DLG2: variants seen among roughly 807,000 people sequenced by gnomAD.
DLG2 encodes the protein disks large homolog 2.
In DLG2, 45 loss-of-function variants were observed where a neutral mutation model predicts 132.5. The observed-to-expected ratio is 0.34, with a 90% CI of 0.27 to 0.44. The LOEUF is 0.44. Among genes scored for constraint, DLG2 ranks in the 20% least tolerant of loss-of-function variants. DLG2 has a pLI of 1.00. For synonymous variants in DLG2, 424 were observed against 419.6 expected, an observed-to-expected ratio of 1.01 and a Z score of -0.13; for missense variants, 1,045 against 1,196.9, an observed-to-expected ratio of 0.87 and a Z score of 1.87.
intron 19 of DLG2, among the ~76,000 whole-genome samples, chr11:83,579,970 AAAAT>A (rs1041738048): frequency 3.3e-5 from 5 of 151,958 alleles, no homozygotes; most frequent in African/African-American, 9.6e-5. Flanking sequence ...ACTCTATCTC[AAAAT>A]AAATAAATAA....
chr11:84,056,279 G>C (rs113602071), intron 11 of DLG2, among the ~76,000 whole-genome samples: 1,852 of 152,114 alleles, frequency 0.012, 37 homozygotes, highest in African/African-American at 0.043. Context: ...CTGTGTCCAT[G>C]TGTTCTCATT....
At chr11:85,144,790 T>G (rs1348905019) in intron 5 of DLG2, among the ~76,000 whole-genome samples, 1 of 152,042 alleles carries the variant, frequency 6.6e-6, no homozygotes, top group Non-Finnish European at 1.5e-5. Flanking sequence ...TTCTTAGAAA[T>G]ATGTTGTAGT....
chr11:83,763,154 C>T (rs766965167), intron 18 of DLG2, among the ~76,000 whole-genome samples: 3 of 152,074 alleles, frequency 2.0e-5, no homozygotes, highest in African/African-American at 7.2e-5. Flanking sequence ...CAATTATGTA[C>T]AAAGAACTGA....
chr11:85,393,527 T>G (rs1307530779), intron 3 of DLG2, among the ~76,000 whole-genome samples: 1 of 152,068 alleles, frequency 6.6e-6, no homozygotes, highest in African/African-American at 2.4e-5. Flanking sequence ...CACACGTGTA[T>G]AGCAGCACAA....
chr11:84,010,871 T>A (rs561733621), intron 11 of DLG2, among the ~76,000 whole-genome samples: 1 of 152,254 alleles, frequency 6.6e-6, no homozygotes, highest in South Asian at 2.1e-4. Flanking sequence ...AATTTTAATG[T>A]GTAAACTGGG....
intron 7 of DLG2, among the ~76,000 whole-genome samples, chr11:84,343,098 A>T (rs930834393): frequency 2.6e-5 from 4 of 152,232 alleles, no homozygotes; most frequent in Non-Finnish European, 5.9e-5. Flanking sequence ...TAATGTGGGA[A>T]CATGGGTACA....
chr11:84,901,787 C>T (rs912786236), intron 6 of DLG2, among the ~76,000 whole-genome samples: 8 of 151,924 alleles, frequency 5.3e-5, no homozygotes, highest in African/African-American at 1.7e-4. Context: ...TTGACATCAA[C>T]AATTATCAAA....
intron 4 of DLG2, among the ~76,000 whole-genome samples, chr11:85,192,539 T>C (rs965570842): frequency 9.2e-5 from 14 of 152,272 alleles, no homozygotes; most frequent in African/African-American, 2.9e-4. Flanking sequence ...GCAACAGGCA[T>C]TGGAGTACAA....
chr11:83,735,256 T>C (rs1326430995), intron 18 of DLG2, among the ~76,000 whole-genome samples: 1 of 150,844 alleles, frequency 6.6e-6, no homozygotes, highest in African/African-American at 2.5e-5. Context: ...CAGCACTGAG[T>C]GAATTGTTAA....
chr11:84,834,009 C>A (rs1350553899), intron 6 of DLG2, among the ~76,000 whole-genome samples: 2 of 151,580 alleles, frequency 1.3e-5, no homozygotes, highest in East Asian at 3.9e-4. Context: ...AGAGTAGGCA[C>A]AAGTTTAAGG....
At chr11:83,540,576 C>T (rs965542720) in intron 20 of DLG2, among the ~76,000 whole-genome samples, 2 of 152,142 alleles carry the variant, frequency 1.3e-5, no homozygotes, top group African/African-American at 4.8e-5. Flanking sequence ...GCTGTGCGAC[C>T]ACAGGCAGAG....
chr11:83,837,723 C>CAAAAAAAAAAAAAAAAAAAAAAAA (rs386374350), intron 16 of DLG2, among the ~76,000 whole-genome samples: 2 of 45,946 alleles, frequency 4.4e-5, no homozygotes, highest in Non-Finnish European at 7.1e-5. Context: ...ACATAGCAAG[C>CAAAAAAAAAAAAAAAAAAAAAAAA]AAAAAAAAAA....
chr11:84,086,515 G>A (rs1421460322), intron 10 of DLG2, among the ~76,000 whole-genome samples: 1 of 145,364 alleles, frequency 6.9e-6, no homozygotes, highest in African/African-American at 2.5e-5. Context: ...TTTGAGACAA[G>A]GTGTTGCTCT....
At chr11:84,856,468 G>T (rs947316320) in intron 6 of DLG2, among the ~76,000 whole-genome samples, 4 of 151,940 alleles carry the variant, frequency 2.6e-5, no homozygotes, top group African/African-American at 9.7e-5. Context: ...CCATTTACCA[G>T]GTGTTCAAGC....
chr11:84,251,307 G>A lies in DLG2; in HGVS notation c.520-16C>T, dbSNP rs1567069043. 6.5e-7 allele frequency: 1 copy of A among 1,549,732 alleles called. No individual in the cohort carries two copies. The highest frequency in any genetic ancestry group is 2.0e-5 in the Admixed American group (1 of 50,242). Reference sequence around the variant, plus strand: ...CAGGACTGGCCTGAAAAAAGAAATAGAAAAAAAATTAAATAATGAATAGTG... The same window carrying A: ...CAGGACTGGCCTGAAAAAAGAAATAAAAAAAAAATTAAATAATGAATAGTG... On this transcript the variant is annotated splice_polypyrimidine_tract_variant and intron_variant, in intron 7 of 27. Transcript: ENST00000376104.
chr11:83,619,718 A>G (rs1294741696), intron 19 of DLG2, among the ~76,000 whole-genome samples: 4 of 152,128 alleles, frequency 2.6e-5, no homozygotes, highest in East Asian at 1.9e-4. Context: ...GGAACACAGA[A>G]TTTTAGGAAA....
In DLG2 at chr11:83,979,394, G is replaced by A. The variant is rs551791391; in HGVS notation, c.1056+1112C>T. Among the ~76,000 whole-genome samples, 70 of 152,252 alleles carry A rather than the reference G, an allele frequency of 4.6e-4. 1 individual carries two copies. Among genetic ancestry groups the A allele is most frequent in the Admixed American group, 3.9e-3 (60 of 15,274 alleles). ...AGTCCTGTTTTACAAGGGTAGACAT[G>A]TGACTAGACAGATACACTAATCTTA... On this transcript the variant is annotated intron_variant, in intron 12 of 27. Coordinates refer to ENST00000376104, the MANE Select transcript of DLG2 (RefSeq NM_001142699.3).
chr11:85,184,869 T>C (rs1321365324), intron 4 of DLG2, among the ~76,000 whole-genome samples: 1 of 151,622 alleles, frequency 6.6e-6, no homozygotes, highest in Non-Finnish European at 1.5e-5. Flanking sequence ...TAGCAACCAA[T>C]TTAAAAAAAA....
intron 6 of DLG2, among the ~76,000 whole-genome samples, chr11:84,943,583 G>A (rs1261077884): frequency 6.6e-6 from 1 of 152,054 alleles, no homozygotes; most frequent in Non-Finnish European, 1.5e-5. Context: ...CAACACAATT[G>A]CAAAAACAAG....
Sources: allele counts gnomAD v4.1 joint callset (sites outside exome capture counted in the v4.1 genomes callset), GRCh38; gene constraint gnomAD v4.1.1; transcripts MANE v1.5; gene names NCBI Gene and HGNC (gene_info 2026-07-23, HGNC 2026-07-21).